USP46: variants seen among roughly 807,000 people sequenced by gnomAD.
The protein encoded by USP46 is ubiquitin carboxyl-terminal hydrolase 46.
USP46 carries 12 observed loss-of-function variants against 44.4 expected under a neutral mutation model. The observed-to-expected ratio is 0.27, with a 90% CI of 0.17 to 0.44. USP46 has a LOEUF of 0.44. Among genes scored for constraint, USP46 ranks in the 20% least tolerant of loss-of-function variants. The probability of loss-of-function intolerance (pLI) is 1.00; values close to 1 mark genes in which losing one functional copy is unlikely to be tolerated. For synonymous variants in USP46, 155 were observed against 161.5 expected, an observed-to-expected ratio of 0.96 and a Z score of 0.31; for missense variants, 248 against 444.8, an observed-to-expected ratio of 0.56 and a Z score of 3.98.
chr4:52,624,331 A>G (rs546665404), intron 4 of USP46, among the ~76,000 whole-genome samples: 1 of 152,322 alleles, frequency 6.6e-6, no homozygotes, highest in South Asian at 2.1e-4. Context: ...ACTTATTGGC[A>G]TATTTATGTG....
At chr4:52,612,865 C>T (rs536039504) in intron 4 of USP46, among the ~76,000 whole-genome samples, 9 of 152,324 alleles carry the variant, frequency 5.9e-5, no homozygotes, top group African/African-American at 1.9e-4. Flanking sequence ...GTAACTGATA[C>T]AACCACTTAT....
Position 52,598,630 on chromosome 4 carries a change from C to G in USP46, c.997G>C (p.Glu333Gln). ...TGGAGAATAATCTGCAAACCAACCT[C>G]TACAATGTCATCATCAAACAAAAGC... ...FWLLFDDDIV[E>Q]KIDAQAIEEF... Residue 333 changes from glutamate (E) to glutamine (Q), a missense_variant and splice_region_variant, in exon 8 of 9, where the codon GAG becomes CAG. Coordinates refer to ENST00000441222, the MANE Select transcript of USP46 (RefSeq NM_022832.4). The G allele has an allele frequency of 6.2e-7, 1 of 1,608,956 alleles. No homozygotes were observed. Among genetic ancestry groups the G allele is most frequent in the Non-Finnish European group, 8.5e-7 (1 of 1,177,842 alleles).
intron 1 of USP46, among the ~76,000 whole-genome samples, chr4:52,647,246 T>C (rs1396341001): frequency 2.0e-5 from 3 of 152,210 alleles, no homozygotes; most frequent in African/African-American, 7.2e-5. Context: ...TATGTACTCT[T>C]TGTGTTTTTA....
chr4:52,647,553 A>G (rs1005920800), intron 1 of USP46, among the ~76,000 whole-genome samples: 1 of 152,230 alleles, frequency 6.6e-6, no homozygotes, highest in Admixed American at 6.5e-5. Context: ...AAGCTCATTC[A>G]AAGACAACAT....
At chr4:52,648,896 CTG>C (rs978412808) in intron 1 of USP46, among the ~76,000 whole-genome samples, 2 of 152,198 alleles carry the variant, frequency 1.3e-5, no homozygotes, top group African/African-American at 4.8e-5. Context: ...TATAATTACT[CTG>C]AGCATTCTTT....
intron 5 of USP46, among the ~76,000 whole-genome samples, chr4:52,609,739 A>G (rs1018108330): frequency 2.0e-5 from 3 of 151,922 alleles, no homozygotes; most frequent in Non-Finnish European, 4.4e-5. Flanking sequence ...ACAGAGTTGA[A>G]TATGTTTAAA....
At chr4:52,633,002 G>GAAAGAAAGA (rs1267677866) in intron 1 of USP46, among the ~76,000 whole-genome samples, 1 of 117,026 alleles carries the variant, frequency 8.5e-6, no homozygotes, top group Admixed American at 8.3e-5. Context: ...AAGAAAGAAA[G>GAAAGAAAGA]AAAGAAAGAA....
intron 5 of USP46, among the ~76,000 whole-genome samples, chr4:52,607,985 G>A (rs1010153264): frequency 6.6e-6 from 1 of 152,168 alleles, no homozygotes; most frequent in African/African-American, 2.4e-5. Context: ...TACAGGGCTG[G>A]TCCAAAAGTA....
At chr4:52,608,969 T>C (rs979529590) in intron 5 of USP46, among the ~76,000 whole-genome samples, 1 of 152,146 alleles carries the variant, frequency 6.6e-6, no homozygotes, top group Non-Finnish European at 1.5e-5. Flanking sequence ...AAAAAGGCCA[T>C]GCAAGGACAA....
intron 1 of USP46, among the ~76,000 whole-genome samples, chr4:52,638,895 G>A (rs1027539745): frequency 2.6e-5 from 4 of 151,892 alleles, no homozygotes; most frequent in African/African-American, 4.8e-5. Context: ...AGGCATAAGC[G>A]GTACCCTTCA....
intron 1 of USP46, among the ~76,000 whole-genome samples, chr4:52,635,825 G>C (rs1452388095): frequency 6.6e-6 from 1 of 152,144 alleles, no homozygotes; most frequent in African/African-American, 2.4e-5. Flanking sequence ...AAACATTTAT[G>C]GATGAATCAG....
chr4:52,656,675 C>T (rs1438650417), intron 1 of USP46: 27 of 779,706 alleles, frequency 3.5e-5, no homozygotes, highest in Non-Finnish European at 4.2e-5. Flanking sequence ...ACAATATTAA[C>T]ATCACCTTTT....
rs66817554 is a variant in USP46, at chr4:52,609,898, C to CTTTTTTTTTTTTTTTTTT, written c.638+625_638+642dup. Among the ~76,000 whole-genome samples, 6 of 24,588 alleles carry CTTTTTTTTTTTTTTTTTT rather than the reference C, an allele frequency of 2.4e-4. 2 individuals carry two copies. The highest frequency in any genetic ancestry group is 4.0e-4 in the African/African-American group (3 of 7,554). 16.1% of individuals were successfully genotyped at this position (24,588 alleles called of 152,430 possible). A position where few individuals can be genotyped will look rare whatever the true frequency, so the allele number is the denominator to read the frequency against. On this transcript the variant is annotated intron_variant, in intron 5 of 8. Coordinates refer to ENST00000441222, the MANE Select transcript of USP46 (RefSeq NM_022832.4). ...GGAAACCTAAACCTCAATTCTATTT[C>CTTTTTTTTTTTTTTTTTT]TTTTTTTTTTTTTTTTTTTTTTTTT...
In USP46 at chr4:52,595,681, G is replaced by C. The variant is rs1273275741; in HGVS notation, c.*1959C>G. On this transcript the variant is annotated 3_prime_UTR_variant, in exon 9 of 9. Transcript: ENST00000441222. ...CTGAAATATTTTTTCTAATAAATTA[G>C]CTTCAAGAGGTGTTTCAAAGATAAT... 1 of 152,118 alleles carries C rather than the reference G, an allele frequency of 6.6e-6. No homozygotes were observed. Among genetic ancestry groups the C allele is most frequent in the African/African-American group, 2.4e-5 (1 of 41,416 alleles). 9.4% of individuals were successfully genotyped at this position (152,118 alleles called of 1,614,324 possible).
intron 4 of USP46, among the ~76,000 whole-genome samples, chr4:52,618,618 T>C (rs1212505788): frequency 6.6e-6 from 1 of 152,198 alleles, no homozygotes; most frequent in Non-Finnish European, 1.5e-5. Context: ...CCCATATTCC[T>C]TTCTTGGGTT....
intron 1 of USP46, among the ~76,000 whole-genome samples, chr4:52,643,386 T>C (rs1291845320): frequency 1.3e-5 from 2 of 152,218 alleles, no homozygotes; most frequent in Non-Finnish European, 2.9e-5. Context: ...CACCAATTGT[T>C]GTCATAAATA....
intron 1 of USP46, among the ~76,000 whole-genome samples, chr4:52,638,785 T>C (rs1718220252): frequency 6.6e-6 from 1 of 152,022 alleles, no homozygotes; most frequent in African/African-American, 2.4e-5. Flanking sequence ...GCTGGATGAA[T>C]GCATGCATGG....
rs977142210 is a variant in USP46, at chr4:52,616,594, A to G, written c.562-5977T>C. On this transcript the variant is annotated intron_variant, in intron 4 of 8. Transcript: ENST00000441222. ...CACCATGTTGGCTAGGCTGGTCTCA[A>G]ACTCCCAACCTCAGGTGATCCGCCC... is the stretch of plus-strand genomic sequence containing the variant. 2.6e-5 allele frequency among the ~76,000 whole-genome samples: 4 copies of G among 152,064 alleles called. No homozygotes were observed. The South Asian group carries it at 6.2e-4, about 24-fold the overall frequency.
At chr4:52,606,262 G>C (rs1716685819) in intron 5 of USP46, among the ~76,000 whole-genome samples, 1 of 152,242 alleles carries the variant, frequency 6.6e-6, no homozygotes, top group Non-Finnish European at 1.5e-5. Context: ...TGACTCCTGA[G>C]AGAGAACACT....
Sources: allele counts gnomAD v4.1 joint callset (sites outside exome capture counted in the v4.1 genomes callset), GRCh38; gene constraint gnomAD v4.1.1; transcripts MANE v1.5; gene names NCBI Gene and HGNC (gene_info 2026-07-23, HGNC 2026-07-21).